MYO9B: variants seen among roughly 807,000 people sequenced by gnomAD.
MYO9B encodes the protein unconventional myosin-IXb.
A neutral mutation model predicts 229.5 loss-of-function variants in MYO9B; 71 were observed. The observed-to-expected ratio is 0.31, with a 90% CI of 0.26 to 0.38. MYO9B has a LOEUF of 0.38. Among genes scored for constraint, MYO9B ranks in the 10% least tolerant of loss-of-function variants. MYO9B has a pLI of 1.00. For missense variants in MYO9B, 2,255 were observed against 2,920.5 expected (o/e 0.77, Z 5.25); for synonymous variants, 1,185 against 1,235.8 (o/e 0.96, Z 0.86).
At chr19:17,095,436 A>G (rs1338084752) in intron 1 of MYO9B, 2 of 152,244 alleles carry the variant, frequency 1.3e-5, no homozygotes, top group African/African-American at 2.4e-5. Flanking sequence ...TGGACATTTC[A>G]TATCAATGGA....
At chr19:17,202,441 GC>G in intron 28 of MYO9B, 138 bp downstream of exon 28, 1 of 873,082 alleles carries the variant, frequency 1.1e-6, no homozygotes, top group Non-Finnish European at 1.7e-6. Flanking sequence ...CAGCCACTGT[GC>G]CATGACTTGA....
chr19:17,083,327 G>A (rs778349722), intron 1 of MYO9B, among the ~76,000 whole-genome samples: 2 of 152,136 alleles, frequency 1.3e-5, no homozygotes, highest in African/African-American at 4.8e-5. Context: ...ACCACGCCCA[G>A]CCACTTTTCT....
chr19:17,196,683 CAAA>C (rs1279205797), intron 22 of MYO9B, among the ~76,000 whole-genome samples: 2 of 97,152 alleles, frequency 2.1e-5, no homozygotes, highest in African/African-American at 3.7e-5. Context: ...GACTCCGTCT[CAAA>C]AAAAAAAAAA....
At chr19:17,164,000 G>A (rs2072632989) in intron 10 of MYO9B, among the ~76,000 whole-genome samples, 2 of 152,236 alleles carry the variant, frequency 1.3e-5, no homozygotes, top group African/African-American at 2.4e-5. Flanking sequence ...ATACCCAGAA[G>A]TGGACTTGCT....
intron 1 of MYO9B, among the ~76,000 whole-genome samples, chr19:17,076,640 TG>T (rs1182237209): frequency 3.3e-5 from 5 of 152,108 alleles, no homozygotes; most frequent in Admixed American, 2.6e-4. Flanking sequence ...AACAGCTGGG[TG>T]ACCTGGGACG....
intron 3 of MYO9B, 45 bp from the exon 4 acceptor site, chr19:17,152,599 C>A: frequency 3.4e-6 from 5 of 1,457,636 alleles, no homozygotes; most frequent in Non-Finnish European, 4.7e-6. Flanking sequence ...TAACACAATA[C>A]TAAAATGTAA....
chr19:17,174,850 C>T (rs1397236762), intron 13 of MYO9B, among the ~76,000 whole-genome samples: 2 of 151,750 alleles, frequency 1.3e-5, no homozygotes, highest in Non-Finnish European at 2.9e-5. Flanking sequence ...AGGAGAATCA[C>T]TTAAACCGGG....
chr19:17,098,124 G>A (rs988788345), intron 1 of MYO9B, among the ~76,000 whole-genome samples: 2 of 150,488 alleles, frequency 1.3e-5, no homozygotes, highest in Non-Finnish European at 2.9e-5. Context: ...GCATGATTGC[G>A]GCTCGCTACA....
intron 1 of MYO9B, among the ~76,000 whole-genome samples, chr19:17,077,819 G>A (rs1043341926): frequency 1.3e-5 from 2 of 152,126 alleles, no homozygotes; most frequent in Admixed American, 1.3e-4. Flanking sequence ...TCGACAGTTT[G>A]TATCCAAAAA....
intron 3 of MYO9B, among the ~76,000 whole-genome samples, chr19:17,149,309 G>A (rs2145254920): frequency 6.6e-6 from 1 of 152,096 alleles, no homozygotes; most frequent in South Asian, 2.1e-4. Context: ...ATATCCCCAG[G>A]TTCCAGGAGA....
chr19:17,129,311 A>G (rs1390966360), intron 2 of MYO9B, among the ~76,000 whole-genome samples: 3 of 152,190 alleles, frequency 2.0e-5, no homozygotes, highest in Non-Finnish European at 4.4e-5. Context: ...CTGAGACAGG[A>G]GAATCACTCG....
intron 2 of MYO9B, among the ~76,000 whole-genome samples, chr19:17,112,144 C>G (rs2057853247): frequency 6.6e-6 from 1 of 152,116 alleles, no homozygotes; most frequent in South Asian, 2.1e-4. Flanking sequence ...CCCACAAGAA[C>G]AATGTTGGGG....
intron 15 of MYO9B, 78 bp from the exon 16 acceptor site, chr19:17,183,751 G>A (rs1231643653): frequency 3.1e-6 from 4 of 1,280,254 alleles, no homozygotes; most frequent in Non-Finnish European, 4.3e-6. Context: ...TAACCCGCCA[G>A]GCGTGGCTTG....
At chr19:17,086,580 C>T (rs1275711955) in intron 1 of MYO9B, among the ~76,000 whole-genome samples, 1 of 152,188 alleles carries the variant, frequency 6.6e-6, no homozygotes, top group East Asian at 1.9e-4. Flanking sequence ...CAAGTGGTAA[C>T]TTCCAAAATG....
rs769094751 is a variant in MYO9B, at chr19:17,202,093, G to C, written c.4663-37G>C. 21 of 1,612,140 alleles carry C rather than the reference G, an allele frequency of 1.3e-5. No individual in the cohort carries two copies. The South Asian group carries it at 2.0e-4, about 15-fold the overall frequency. ...GACCCGTCATTCCCATCCGCCCCTT[G>C]CCCAGGCCTGCAGGGTGACGCCTAG... On this transcript the variant is annotated intron_variant, in intron 27 of 39. Transcript: ENST00000682292.
chr19:17,206,961 TA>T, intron 34 of MYO9B, 151 bp from the exon 35 acceptor site: 1 of 1,302,786 alleles, frequency 7.7e-7, no homozygotes. Flanking sequence ...TCCCTTGAGG[TA>T]CCTCTCTGTG....
At chr19:17,200,955 C>A in intron 26 of MYO9B, 126 bp downstream of exon 26, 1 of 1,116,652 alleles carries the variant, frequency 9.0e-7, no homozygotes. Flanking sequence ...AGTCCAGGCT[C>A]AGGCCGGGGA....
chr19:17,088,310 C>T, intron 1 of MYO9B, among the ~76,000 whole-genome samples: 1 of 152,338 alleles, frequency 6.6e-6, no homozygotes, highest in East Asian at 1.9e-4. Flanking sequence ...ATTTGGGGCC[C>T]ACCCTTGTCC....
chr19:17,188,397 C>CCAG (rs1446024394), intron 19 of MYO9B, among the ~76,000 whole-genome samples: 1 of 139,260 alleles, frequency 7.2e-6, no homozygotes, highest in Non-Finnish European at 1.5e-5. Context: ...CCACTGCACT[C>CCAG]CAGCCTGGGC....
Sources: allele counts gnomAD v4.1 joint callset (sites outside exome capture counted in the v4.1 genomes callset), GRCh38; gene constraint gnomAD v4.1.1; transcripts MANE v1.5; gene names NCBI Gene and HGNC (gene_info 2026-07-23, HGNC 2026-07-21).